PRDM11: variants seen among roughly 807,000 people sequenced by gnomAD.
PRDM11 encodes the protein PR domain-containing protein 11.
In PRDM11, 20 loss-of-function variants were observed where a neutral mutation model predicts 97.8. The ratio of observed to expected loss-of-function variants is 0.20; its 90% CI spans 0.14 to 0.30. The LOEUF (loss-of-function observed/expected upper bound fraction) is 0.30, where lower values mean the gene tolerates loss of function less well. Ranked by LOEUF, PRDM11 falls within the 10% of genes least tolerant of loss-of-function variation. The pLI, the probability that PRDM11 is intolerant of heterozygous loss-of-function variation, is 1.00. For missense variants in PRDM11, 1,139 were observed against 1,555.2 expected, an observed-to-expected ratio of 0.73 and a Z score of 4.50; for synonymous variants, 599 against 637.7, an observed-to-expected ratio of 0.94 and a Z score of 0.91.
At chr11:45,141,620 C>A (rs1851405231) in intron 1 of PRDM11, among the ~76,000 whole-genome samples, 1 of 152,134 alleles carries the variant, frequency 6.6e-6, no homozygotes, top group Non-Finnish European at 1.5e-5. Flanking sequence ...ATGCTAGAGA[C>A]CTGATGTGGT....
At chr11:45,200,039 G>A (rs1377668453) in intron 4 of PRDM11, among the ~76,000 whole-genome samples, 1 of 152,220 alleles carries the variant, frequency 6.6e-6, no homozygotes, top group Non-Finnish European at 1.5e-5. Flanking sequence ...CTTTCTAAGA[G>A]CAAAGACACT....
intron 5 of PRDM11, chr11:45,212,386 T>C (rs1853777800): frequency 2.9e-6 from 1 of 344,962 alleles, no homozygotes; most frequent in East Asian, 7.9e-5. Context: ...ACTCAGGTGT[T>C]TTTCAGGGGC....
upstream of PRDM11, among the ~76,000 whole-genome samples, chr11:45,145,818 G>A (rs1851495079): frequency 6.6e-6 from 1 of 152,054 alleles, no homozygotes; most frequent in Non-Finnish European, 1.5e-5. Context: ...TTTTCCAGGC[G>A]CTCAGGAAAG....
chr11:45,166,110 CA>C (rs1490409963), intron 1 of PRDM11, among the ~76,000 whole-genome samples: 2 of 152,172 alleles, frequency 1.3e-5, no homozygotes, highest in African/African-American at 2.4e-5. Flanking sequence ...CAAGAGTAGT[CA>C]AAAAATGGAA....
intron 5 of PRDM11, among the ~76,000 whole-genome samples, chr11:45,217,402 GAT>G (rs954450774): frequency 1.6e-4 from 24 of 152,164 alleles, no homozygotes; most frequent in Middle Eastern, 3.2e-3. Context: ...GCTTATATCC[GAT>G]GTGATAAGAA....
At chr11:45,203,847 G>A (rs558390847) in intron 4 of PRDM11, among the ~76,000 whole-genome samples, 15 of 152,254 alleles carry the variant, frequency 9.9e-5, no homozygotes, top group South Asian at 2.1e-4. Context: ...GAAAATGGCC[G>A]AGAAGCTGTA....
At chr11:45,217,468 C>G (rs559844890) in intron 5 of PRDM11, among the ~76,000 whole-genome samples, 4 of 152,342 alleles carry the variant, frequency 2.6e-5, no homozygotes, top group Admixed American at 6.5e-5. Flanking sequence ...GATGCAAATT[C>G]TGGCGGATCT....
chr11:45,182,909 GC>G lies in PRDM11; in HGVS notation c.278del (p.Pro93ArgfsTer40). ...TTCGTGGATGAATGCCCAAACCATG[GC>G]CCCCCGGTGTTTGTGTCTGACACAC... ...EYFVDECPNH[G>X]PPVFVSDTPV... On this transcript the variant is annotated frameshift_variant, in exon 4 of 8. Coordinates refer to ENST00000683152, the MANE Select transcript of PRDM11 (RefSeq NM_001384648.1). LOFTEE classifies it high-confidence loss of function. 6.2e-7 allele frequency: 1 copy of G among 1,611,170 alleles called. No individual in the cohort carries two copies. The highest frequency in any genetic ancestry group is 8.5e-7 in the Non-Finnish European group (1 of 1,178,344).
At chr11:45,172,566 C>A (rs893543244) in intron 1 of PRDM11, among the ~76,000 whole-genome samples, 22 of 152,126 alleles carry the variant, frequency 1.4e-4, no homozygotes, top group African/African-American at 5.1e-4. Context: ...GAACCAGGGA[C>A]AAAGACCAAA....
intron 1 of PRDM11, among the ~76,000 whole-genome samples, chr11:45,165,902 C>T (rs1293508879): frequency 1.3e-5 from 2 of 152,170 alleles, no homozygotes; most frequent in Non-Finnish European, 2.9e-5. Flanking sequence ...GCCTGTCTCC[C>T]CGCCATGCTA....
At chr11:45,127,624 A>G (rs1408076299) in intron 1 of PRDM11, among the ~76,000 whole-genome samples, 1 of 152,218 alleles carries the variant, frequency 6.6e-6, no homozygotes, top group Non-Finnish European at 1.5e-5. Flanking sequence ...TTGCCTGGGT[A>G]TCAGCAGCGG....
intron 1 of PRDM11, among the ~76,000 whole-genome samples, chr11:45,131,578 C>T (rs1257627568): frequency 1.3e-5 from 2 of 152,096 alleles, no homozygotes; most frequent in South Asian, 2.1e-4. Flanking sequence ...GTTGTCACAC[C>T]ATTATGTATA....
At chr11:45,145,795 C>G (rs372423842), upstream of PRDM11, among the ~76,000 whole-genome samples, 4 of 152,166 alleles carry the variant, frequency 2.6e-5, no homozygotes, top group African/African-American at 7.2e-5. Flanking sequence ...CCAGCCCCAT[C>G]GCAACCTGTC....
rs1183339151 is a variant in PRDM11 at position 45,194,590 on chromosome 11, C to CTTTTTTTTTTTTTTTTT, written c.487-10120_487-10119insTTTTTTTTTTTTTTTTT. On this transcript the variant is annotated intron_variant, in intron 4 of 7. Transcript: ENST00000683152. ...AGTACTGTGGGATAGTTATTATCTT[C>CTTTTTTTTTTTTTTTTT]TGTTTTTTTTTTTTTTTTTTTTTTT... is the stretch of plus-strand genomic sequence containing the variant. Among the ~76,000 whole-genome samples, 4 of 89,992 alleles carry CTTTTTTTTTTTTTTTTT rather than the reference C, an allele frequency of 4.4e-5. 1 individual carries two copies. Among genetic ancestry groups the CTTTTTTTTTTTTTTTTT allele is most frequent in the Non-Finnish European group, 6.7e-5 (3 of 44,720 alleles). The allele number at this position is 89,992 out of a possible 152,430, so 59.0% of individuals were successfully genotyped here.
Position 45,194,592 on chromosome 11 carries a change from G to GTT in PRDM11, c.487-10096_487-10095dup, listed in dbSNP as rs869144098. ...TACTGTGGGATAGTTATTATCTTCT[G>GTT]TTTTTTTTTTTTTTTTTTTTTTTTG... On this transcript the variant is annotated intron_variant, in intron 4 of 7. Coordinates refer to ENST00000683152, the MANE Select transcript of PRDM11 (RefSeq NM_001384648.1). Among the ~76,000 whole-genome samples, 215 of 70,852 alleles carry GTT rather than the reference G, an allele frequency of 3.0e-3. 1 individual carries two copies. Among genetic ancestry groups the GTT allele is most frequent in the East Asian group, 0.023 (61 of 2,690 alleles). 46.5% of individuals were successfully genotyped at this position (70,852 alleles called of 152,430 possible).
intron 1 of PRDM11, among the ~76,000 whole-genome samples, chr11:45,106,976 T>C (rs1170117442): frequency 2.0e-5 from 3 of 152,166 alleles, no homozygotes; most frequent in Non-Finnish European, 4.4e-5. Flanking sequence ...GTCCAGGCTT[T>C]GTGGGGAGGA....
chr11:45,115,113 G>A (rs2135615482), intron 1 of PRDM11, among the ~76,000 whole-genome samples: 1 of 151,594 alleles, frequency 6.6e-6, no homozygotes, highest in Middle Eastern at 3.4e-3. Context: ...TTATAACACG[G>A]TATTATGGAG....
intron 1 of PRDM11, among the ~76,000 whole-genome samples, chr11:45,173,699 A>T (rs1852259843): frequency 1.3e-5 from 2 of 151,450 alleles, no homozygotes; most frequent in Non-Finnish European, 2.9e-5. Flanking sequence ...GGCCAGCTAT[A>T]CCCATGATGC....
intron 1 of PRDM11, among the ~76,000 whole-genome samples, chr11:45,149,709 G>A (rs1851613882): frequency 6.6e-6 from 1 of 152,224 alleles, no homozygotes; most frequent in Non-Finnish European, 1.5e-5. Context: ...TAGTAAGGCG[G>A]GATGGTGGTG....
Sources: gnomAD v4.1 joint callset for allele counts (sites outside exome capture counted in the v4.1 genomes callset) on GRCh38, gnomAD v4.1.1 for gene constraint, MANE v1.5 for transcripts, NCBI Gene and HGNC (gene_info 2026-07-23, HGNC 2026-07-21) for gene names.